The following TRAPPC8 variants were observed in gnomAD, a reference collection of about 807,000 sequenced individuals.
TRAPPC8 encodes the protein trafficking protein particle complex subunit 8.
A neutral mutation model predicts 174.3 loss-of-function variants in TRAPPC8; 54 were observed. The ratio of observed to expected loss-of-function variants is 0.31; its 90% confidence interval spans 0.25 to 0.39. The LOEUF (loss-of-function observed/expected upper bound fraction) is 0.39, where lower values mean the gene tolerates loss of function less well. TRAPPC8 is among the 10% of genes least tolerant of loss of function. The probability of loss-of-function intolerance (pLI) is 1.00; values close to 1 mark genes in which losing one functional copy is unlikely to be tolerated. For synonymous variants in TRAPPC8, 630 were observed against 579.9 expected, an observed-to-expected ratio of 1.09 and a Z score of -1.24; for missense variants, 1,531 against 1,699.1, an observed-to-expected ratio of 0.90 and a Z score of 1.74.
intron 26 of TRAPPC8, among the ~76,000 whole-genome samples, chr18:31,840,973 G>A (rs1169144106): frequency 6.6e-6 from 1 of 151,040 alleles, no homozygotes. Context: ...CCTAATCAGT[G>A]GTAACAGACA....
At chr18:31,871,989 G>C (rs1007798327) in intron 14 of TRAPPC8, among the ~76,000 whole-genome samples, 3 of 151,810 alleles carry the variant, frequency 2.0e-5, no homozygotes, top group African/African-American at 7.3e-5. Flanking sequence ...AAATATATTT[G>C]TATAGATTTA....
intron 9 of TRAPPC8, among the ~76,000 whole-genome samples, chr18:31,907,008 G>A (rs1235812331): frequency 1.3e-5 from 2 of 152,010 alleles, no homozygotes; most frequent in African/African-American, 4.8e-5. Flanking sequence ...AAAAATTTTT[G>A]TATTTTAAAT....
rs376783471 is a variant in TRAPPC8, at chr18:31,936,902, TA to T, written c.158-5380del. On this transcript the variant is annotated intron_variant, in intron 1 of 28. Coordinates refer to ENST00000283351, the MANE Select transcript of TRAPPC8 (RefSeq NM_014939.5). The stretch of plus-strand genomic sequence containing the variant: ...GGGTGACAGAGCAAGACTCCGTCTT[TA>T]AAAAAAAAAAAAAAAAAAAAAAAAA... Among the ~76,000 whole-genome samples, 436 of 92,490 alleles carry T rather than the reference TA, an allele frequency of 4.7e-3. 4 individuals carry two copies. The highest frequency in any genetic ancestry group is 0.013 in the African/African-American group (268 of 21,194). 60.7% of individuals were successfully genotyped at this position (92,490 alleles called of 152,430 possible). A position where few individuals can be genotyped will look rare whatever the true frequency, so the allele number is the denominator to read the frequency against.
At chr18:31,840,651 G>A (rs1296926886) in intron 26 of TRAPPC8, among the ~76,000 whole-genome samples, 2 of 152,168 alleles carry the variant, frequency 1.3e-5, no homozygotes, top group African/African-American at 4.8e-5. Context: ...ACATCCATTT[G>A]TCAACATACT....
At chr18:31,877,822 C>T (rs2035235073) in intron 12 of TRAPPC8, among the ~76,000 whole-genome samples, 2 of 151,122 alleles carry the variant, frequency 1.3e-5, no homozygotes, top group Admixed American at 6.6e-5. Flanking sequence ...ACTCGGGAGG[C>T]TGAGGCAGGA....
chr18:31,942,828 T>TGCA lies in TRAPPC8; in HGVS notation c.-67_-65dup. The stretch of plus-strand genomic sequence containing the variant: ...CCACCCTGCGAGGTTATCCTGCGGC[T>TGCA]GCAGCAGCTACCGCCGCCGCCCGCC... On this transcript the variant is annotated 5_prime_UTR_variant, in exon 1 of 29. Coordinates refer to ENST00000283351, the MANE Select transcript of TRAPPC8 (RefSeq NM_014939.5). The TGCA allele has an allele frequency of 7.9e-7, 1 of 1,272,614 alleles. No homozygotes were observed. Among genetic ancestry groups the TGCA allele is most frequent in the Non-Finnish European group, 9.9e-7 (1 of 1,006,136 alleles). 78.8% of individuals were successfully genotyped at this position (1,272,614 alleles called of 1,614,324 possible).
In TRAPPC8 at chr18:31,852,503, C is replaced by T. The variant is rs373147656; in HGVS notation, c.3504G>A (p.Ala1168=). The T allele has an allele frequency of 4.0e-5, 64 of 1,613,868 alleles. No individual in the cohort carries two copies. The highest frequency in any genetic ancestry group is 5.2e-5 in the Non-Finnish European group (61 of 1,180,006). The change falls in exon 24 of 29, where the codon GCG becomes GCA. Residue 1168 remains alanine (A), a splice_region_variant and synonymous_variant. Transcript: ENST00000283351. ...FKAIRCEKEE[A]ATQSSEKYTF... ...TATATTTTTCAGAGGACTGTGTGGC[C>T]GCTAAAAAACAGGGGAAAACAAACT...
Position 31,892,598 on chromosome 18 carries a change from A to T in TRAPPC8, c.1597-1732T>A, listed in dbSNP as rs140921945. Among the ~76,000 whole-genome samples the T allele has an allele frequency of 1.1e-3, 162 of 152,334 alleles. 1 individual carries two copies. Among genetic ancestry groups the T allele is most frequent in the African/African-American group, 3.8e-3 (156 of 41,570 alleles). ...TGTGGAGTTAATGAAAGCTATGCATATACTACTTCAGATTCTAATCAATAT... is the reference window on the plus strand; with the variant it reads ...TGTGGAGTTAATGAAAGCTATGCATTTACTACTTCAGATTCTAATCAATAT... On this transcript the variant is annotated intron_variant, in intron 11 of 28. Coordinates refer to ENST00000283351, the MANE Select transcript of TRAPPC8 (RefSeq NM_014939.5).
intron 18 of TRAPPC8, 57 bp from the exon 19 acceptor site, chr18:31,864,838 T>C: frequency 5.5e-6 from 8 of 1,443,722 alleles, no homozygotes; most frequent in Non-Finnish European, 6.6e-6. Flanking sequence ...CTGACATCAA[T>C]TTAACTTGAA....
At chr18:31,941,962 T>C (rs2038363777) in intron 1 of TRAPPC8, among the ~76,000 whole-genome samples, 1 of 152,198 alleles carries the variant, frequency 6.6e-6, no homozygotes, top group African/African-American at 2.4e-5. Flanking sequence ...ACTCCAAATA[T>C]CCAGGTTAAA....
rs570213996 is a variant in TRAPPC8 at position 31,935,293 on chromosome 18, A to T, written c.158-3770T>A. On this transcript the variant is annotated intron_variant, in intron 1 of 28. Transcript: ENST00000283351. ...GAAGTGGAGGTTGCAGTGAGCCGAG[A>T]TTGCGCCACTGCACTCCAGCCTGGG... 5.4e-5 allele frequency among the ~76,000 whole-genome samples: 8 copies of T among 149,222 alleles called. No individual in the cohort carries two copies. The East Asian group carries it at 1.6e-3, about 30-fold the overall frequency.
Position 31,907,542 on chromosome 18 carries a change from T to A in TRAPPC8, c.1307A>T (p.Tyr436Phe), listed in dbSNP as rs2036716019. 1 of 1,611,636 alleles carries A rather than the reference T, an allele frequency of 6.2e-7. No homozygotes were observed. Among genetic ancestry groups the A allele is most frequent in the African/African-American group, 1.3e-5 (1 of 75,020 alleles). Residue 436 changes from tyrosine to phenylalanine, a missense_variant, in exon 9 of 29, where the codon TAT becomes TTT. Transcript: ENST00000283351. Reference protein sequence around the residue: ...MADLCFLVQHYDLAYSCYHTA... With the variant: ...MADLCFLVQHFDLAYSCYHTA... Reference sequence around the variant, plus strand: ...ATGATAGCAACTGTAAGCCAAATCATAATGCTGCACCAAAAAACATAAGTC... The same window carrying A: ...ATGATAGCAACTGTAAGCCAAATCAAAATGCTGCACCAAAAAACATAAGTC...
At chr18:31,942,544 G>C (rs1286599570) in intron 1 of TRAPPC8, 64 bp downstream of exon 1, 2 of 1,455,792 alleles carry the variant, frequency 1.4e-6, no homozygotes, top group Non-Finnish European at 9.1e-7. Flanking sequence ...CTGCCCGCCC[G>C]CAACTTCCTT....
chr18:31,879,927 A>G (rs2035333896), intron 12 of TRAPPC8, among the ~76,000 whole-genome samples: 1 of 150,762 alleles, frequency 6.6e-6, no homozygotes, highest in Admixed American at 6.6e-5. Flanking sequence ...AGAAACTCAA[A>G]TCTTGAATAG....
chr18:31,939,184 C>G (rs1259812188), intron 1 of TRAPPC8, among the ~76,000 whole-genome samples: 1 of 151,238 alleles, frequency 6.6e-6, no homozygotes, highest in Non-Finnish European at 1.5e-5. Context: ...GTATTTATAC[C>G]AGCAAAAAAC....
intron 4 of TRAPPC8, among the ~76,000 whole-genome samples, chr18:31,915,293 T>A (rs1251747183): frequency 6.7e-6 from 1 of 149,582 alleles, no homozygotes; most frequent in Non-Finnish European, 1.5e-5. Flanking sequence ...AAACCCTATC[T>A]CTACTAAAAA....
At position 31,857,958 on chromosome 18, in the gene TRAPPC8, C is replaced by T. The variant is rs769016975; in HGVS notation, c.2770G>A (p.Gly924Arg). The T allele has an allele frequency of 5.0e-6, 8 of 1,610,690 alleles. No individual in the cohort carries two copies. The South Asian group carries it at 8.8e-5, about 18-fold the overall frequency. The change falls in exon 20 of 29, where the codon GGG becomes AGG. Residue 924 changes from glycine (G) to arginine (R), a missense_variant. Transcript: ENST00000283351. ...TTTCGGATTTCTCCACAGAGAAGCC[C>T]TGTAGGAAAATGTATAAAGAACACC... Reference protein sequence around the residue: ...LEVFFIHFPTGLLCGEIRKAY... With the variant: ...LEVFFIHFPTRLLCGEIRKAY...
chr18:31,882,685 C>T (rs2035514303), intron 12 of TRAPPC8, among the ~76,000 whole-genome samples: 1 of 151,834 alleles, frequency 6.6e-6, no homozygotes, highest in African/African-American at 2.4e-5. Flanking sequence ...GGCACGATCT[C>T]GGCCTACTGC....
Position 31,830,983 on chromosome 18 carries a change from T to C in TRAPPC8, c.4080A>G (p.Glu1360=), listed in dbSNP as rs764100638. ...TGAATGATCCATGGATTTCCAGTGC[T>C]TCTGGACTAAGGGAGGAGGAAAATG... ...VDLRHKTTSP[E]ALEIHGSFTW... Residue 1360 remains glutamate (E), a synonymous_variant, in exon 29 of 29, where the codon GAA becomes GAG. Coordinates refer to ENST00000283351, the MANE Select transcript of TRAPPC8 (RefSeq NM_014939.5). The C allele has an allele frequency of 6.2e-7, 1 of 1,606,948 alleles. No individual in the cohort carries two copies. Among genetic ancestry groups the C allele is most frequent in the South Asian group, 1.1e-5 (1 of 90,012 alleles).
Sources: gnomAD v4.1 joint callset for allele counts (sites outside exome capture counted in the v4.1 genomes callset) on GRCh38, gnomAD v4.1.1 for gene constraint, MANE v1.5 for transcripts, NCBI Gene and HGNC (gene_info 2026-07-23, HGNC 2026-07-21) for gene names.